Variants in PSTK observed in about 807,000 individuals in gnomAD.
PSTK encodes the protein phosphoseryl-tRNA kinase.
Under a neutral mutation model 38.6 loss-of-function variants are expected in PSTK, and 26 were observed. The ratio of observed to expected loss-of-function variants is 0.67; its 90% CI spans 0.49 to 0.94. PSTK has a LOEUF of 0.94. Among genes scored for constraint, PSTK ranks in the 40% least tolerant of loss-of-function variants. The probability of loss-of-function intolerance (pLI) is 0.00; values close to 1 mark genes in which losing one functional copy is unlikely to be tolerated. For missense variants in PSTK, 445 were observed against 436.3 expected (o/e 1.02, Z -0.18); for synonymous variants, 181 against 161.7 (o/e 1.12, Z -0.91).
At chr10:122,987,966 A>C (rs898177527) in intron 5 of PSTK, among the ~76,000 whole-genome samples, 1 of 152,236 alleles carries the variant, frequency 6.6e-6, no homozygotes, top group African/African-American at 2.4e-5. Flanking sequence ...CTGGAAAAGG[A>C]AACAATATAC....
In PSTK at chr10:122,980,575, G is replaced by C; in HGVS notation, c.96G>C (p.Ser32=). 1 of 1,612,116 alleles carries C rather than the reference G, an allele frequency of 6.2e-7. No individual in the cohort carries two copies. The highest frequency in any genetic ancestry group is 8.5e-7 in the Non-Finnish European group (1 of 1,179,644). ...GTGGCCTCCCCGCGGCAGGAAAATC[G>C]ACTTTCGCGCGCGCCCTCGCCCACC... ...VLCGLPAAGK[S]TFARALAHRL... The change falls in exon 1 of 6, where the codon TCG becomes TCC. Residue 32 remains serine (S), a synonymous_variant. Transcript: ENST00000406217. The surrounding 1 kb of genome is among the most constrained non-coding windows in gnomAD (Gnocchi z 4.3).
chr10:122,981,818 C>G (rs959930681), intron 1 of PSTK, among the ~76,000 whole-genome samples: 3 of 152,196 alleles, frequency 2.0e-5, no homozygotes, highest in Non-Finnish European at 4.4e-5. Flanking sequence ...TTTCCCTTCA[C>G]TTGTATTATG....
chr10:122,982,954 G>C lies in PSTK; in HGVS notation c.438G>C (p.Leu146Phe). Residue 146 changes from leucine (L) to phenylalanine (F), a missense_variant, in exon 2 of 6, where the codon TTG becomes TTC. By Grantham distance (22) the Leu-to-Phe change is conservative. Transcript: ENST00000406217. ...LLTKTAVSRP[L>F]FLVLDDNFYY... ...CAAAAACTGCTGTTTCTAGACCTTT[G>C]TTTTTGGTTTTGGATGACAATTTTT... 6.2e-7 allele frequency: 1 copy of C among 1,614,082 alleles called. No homozygotes were observed. Among genetic ancestry groups the C allele is most frequent in the Admixed American group, 1.7e-5 (1 of 60,020 alleles).
intron 3 of PSTK, chr10:122,983,725 G>T: frequency 2.3e-6 from 1 of 429,618 alleles, no homozygotes; most frequent in Middle Eastern, 6.2e-4. Context: ...GGAATTCAGA[G>T]AACACATCTT....
rs754257112 is a variant in PSTK, at chr10:122,980,699, A to T, written c.216+4A>T. 45 of 1,264,596 alleles carry T rather than the reference A, an allele frequency of 3.6e-5. No homozygotes were observed. 78.3% of individuals were successfully genotyped at this position (1,264,596 alleles called of 1,614,324 possible). ...CGGGGCAAGAGCGCGACCGGCGGTC[A>T]GCACGGAGGGGCGGGGCCTGGGCCG... On this transcript the variant is annotated splice_donor_region_variant and intron_variant, in intron 1 of 5. Transcript: ENST00000406217. The surrounding 1 kb of genome is among the most constrained non-coding windows in gnomAD (Gnocchi z 4.3).
At chr10:122,986,455 G>A (rs888344756) in intron 4 of PSTK, 80 bp downstream of exon 4, 2 of 1,038,662 alleles carry the variant, frequency 1.9e-6, no homozygotes, top group Admixed American at 1.8e-5. Context: ...AATATAAAAT[G>A]TGAGTGAAAC....
Position 122,986,970 on chromosome 10 carries a change from GT to G in PSTK, c.877+9del. ...CAATGAAGGAAGCAAAAGGTATGATGTGTCAGTTATGTGTTGAGTTGGTATG... is the reference window on the plus strand; with the variant it reads ...CAATGAAGGAAGCAAAAGGTATGATGGTCAGTTATGTGTTGAGTTGGTATG... On this transcript the variant is annotated intron_variant, in intron 5 of 5. Coordinates refer to ENST00000406217, the MANE Select transcript of PSTK (RefSeq NM_001363531.2). 1 of 1,568,100 alleles carries G rather than the reference GT, an allele frequency of 6.4e-7. No individual in the cohort carries two copies. The highest frequency in any genetic ancestry group is 2.2e-5 in the East Asian group (1 of 44,618).
intron 5 of PSTK, among the ~76,000 whole-genome samples, chr10:122,989,173 A>C (rs1184323503): frequency 1.6e-5 from 1 of 64,014 alleles, no homozygotes; most frequent in Non-Finnish European, 2.8e-5. Flanking sequence ...GTGGTTGCTT[A>C]GAGATGGGGG....
chr10:122,983,266 T>C lies in PSTK; in HGVS notation c.509-6T>C. The C allele has an allele frequency of 6.2e-7, 1 of 1,601,782 alleles. No individual in the cohort carries two copies. The highest frequency in any genetic ancestry group is 8.5e-7 in the Non-Finnish European group (1 of 1,174,680). On this transcript the variant is annotated splice_region_variant and splice_polypyrimidine_tract_variant and intron_variant, in intron 2 of 5. Coordinates refer to ENST00000406217, the MANE Select transcript of PSTK (RefSeq NM_001363531.2). Reference sequence around the variant, plus strand: ...CAGTAATTCTATCATTTTAAACTGTTTTCAGATTCGTTGGGCTTTTGCCAG... The same window carrying C: ...CAGTAATTCTATCATTTTAAACTGTCTTCAGATTCGTTGGGCTTTTGCCAG...
At chr10:122,989,480 G>A (rs1044350664) in intron 5 of PSTK, among the ~76,000 whole-genome samples, 12 of 152,240 alleles carry the variant, frequency 7.9e-5, no homozygotes, top group Middle Eastern at 3.4e-3. Flanking sequence ...TCGAACGCCC[G>A]ACCTCAGGTG....
chr10:122,983,153 T>A lies in PSTK; in HGVS notation c.509-119T>A. ...TTTACTTAATTTTAAAAGCTAGATG[T>A]TCAGTATTGCAAACGGAGTTTTTCC... is the stretch of plus-strand genomic sequence containing the variant. On this transcript the variant is annotated intron_variant, in intron 2 of 5. Coordinates refer to ENST00000406217, the MANE Select transcript of PSTK (RefSeq NM_001363531.2). 3 of 1,203,376 alleles carry A rather than the reference T, an allele frequency of 2.5e-6. No individual in the cohort carries two copies. The South Asian group carries it at 4.6e-5, about 18-fold the overall frequency. The allele number at this position is 1,203,376 out of a possible 1,614,324, so 74.5% of individuals were successfully genotyped here.
rs1848946132 is a variant in PSTK, at chr10:122,980,723, C to CGGGGCGGGGCGGG, written c.216+29_216+30insGGGCGGGGCGGGG. 6.1e-6 allele frequency: 4 copies of CGGGGCGGGGCGGG among 661,038 alleles called. No homozygotes were observed. The East Asian group carries it at 5.1e-4, about 84-fold the overall frequency. The allele number at this position is 661,038 out of a possible 1,614,324, so 40.9% of individuals were successfully genotyped here. A position where few individuals can be genotyped will look rare whatever the true frequency, so the allele number is the denominator to read the frequency against. On this transcript the variant is annotated intron_variant, in intron 1 of 5. Transcript: ENST00000406217. The surrounding 1 kb of genome is among the most constrained non-coding windows in gnomAD (Gnocchi z 4.3). ...CAGCACGGAGGGGCGGGGCCTGGGC[C>CGGGGCGGGGCGGG]GCGGGGCGGGGCGGGGCGGGGCGGG...
chr10:122,981,020 G>T (rs1160091457), intron 1 of PSTK, among the ~76,000 whole-genome samples: 1 of 152,210 alleles, frequency 6.6e-6, no homozygotes, highest in Non-Finnish European at 1.5e-5. Flanking sequence ...CAGCGTGCAA[G>T]GTGGAAAGCC....
chr10:122,985,598 A>T (rs368113974), intron 3 of PSTK: 1 of 152,222 alleles, frequency 6.6e-6, no homozygotes, highest in African/African-American at 2.4e-5. Flanking sequence ...TTGCTCATCC[A>T]TATCCAGTAA....
intron 3 of PSTK, chr10:122,985,942 T>C (rs7091404): frequency 0.66 from 101,767 of 154,658 alleles, 33,858 homozygotes; most frequent in Non-Finnish European, 0.7. Flanking sequence ...AGATGTTGGC[T>C]GGGCATGGTG....
At position 122,990,279 on chromosome 10, in the gene PSTK, G is replaced by C; in HGVS notation, c.983G>C (p.Cys328Ser). ...AAACAAGGAAACAAAAAATATCTGT[G>C]CTTTCAGCAAACCATTGACATACCA... is the stretch of plus-strand genomic sequence containing the variant. ...DLKQGNKKYLCFQQTIDIPDV... is the reference protein window; with the variant it reads ...DLKQGNKKYLSFQQTIDIPDV... Residue 328 changes from cysteine to serine, a missense_variant, in exon 6 of 6, where the codon TGC becomes TCC. Coordinates refer to ENST00000406217, the MANE Select transcript of PSTK (RefSeq NM_001363531.2). 2 of 1,539,086 alleles carry C rather than the reference G, an allele frequency of 1.3e-6. No homozygotes were observed. Among genetic ancestry groups the C allele is most frequent in the South Asian group, 1.2e-5 (1 of 81,314 alleles).
chr10:122,984,151 T>C (rs1320825349), intron 3 of PSTK: 1 of 152,226 alleles, frequency 6.6e-6, no homozygotes, highest in Non-Finnish European at 1.5e-5. Context: ...AGAGGTATAT[T>C]GCCCACACTT....
rs754242869 is a variant in PSTK at position 122,980,626 on chromosome 10, C to T, written c.147C>T (p.Ala49=). ...AHRLQQEQGW[A]IGVVAYDDVM... is the part of the protein sequence containing the mutation. ...GGCTGCAGCAGGAGCAGGGTTGGGC[C>T]ATCGGTGTTGTCGCGTATGATGACG... is the stretch of plus-strand genomic sequence containing the variant. Residue 49 remains alanine (A), a synonymous_variant, in exon 1 of 6, where the codon GCC becomes GCT. Transcript: ENST00000406217. This position sits in a 1 kb window ranked among gnomAD's most constrained non-coding sequence, Gnocchi z 4.3. 4 of 1,611,914 alleles carry T rather than the reference C, an allele frequency of 2.5e-6. No individual in the cohort carries two copies. Among genetic ancestry groups the T allele is most frequent in the East Asian group, 2.2e-5 (1 of 44,804 alleles).
At chr10:122,986,163 G>C (rs781139899) in intron 3 of PSTK, 137 bp from the exon 4 acceptor site, 51 of 461,442 alleles carry the variant, frequency 1.1e-4, no homozygotes, top group Non-Finnish European at 1.9e-4. Flanking sequence ...AGAGCTTGCA[G>C]TGAGCAGAGA....
Sources: gnomAD v4.1 joint callset for allele counts (sites outside exome capture counted in the v4.1 genomes callset) on GRCh38, gnomAD v4.1.1 for gene constraint, Gnocchi (gnomAD v3.1) non-coding constraint, MANE v1.5 for transcripts, NCBI Gene and HGNC (gene_info 2026-07-23, HGNC 2026-07-21) for gene names.